PCDHGB4: variants seen among roughly 807,000 people sequenced by gnomAD.
PCDHGB4 encodes protocadherin gamma subfamily B, 4, also known as protocadherin gamma-B4.
In PCDHGB4, 38 loss-of-function variants were observed where a neutral mutation model predicts 60.5. That is an observed-to-expected ratio of 0.63 (90% CI 0.48 to 0.82). The LOEUF (loss-of-function observed/expected upper bound fraction) is 0.82. Among genes scored for constraint, PCDHGB4 ranks in the 40% least tolerant of loss-of-function variants. The pLI is 0.00. For synonymous variants in PCDHGB4, 456 were observed against 509.7 expected (o/e 0.89, Z 1.42); for missense variants, 1,109 against 1,209.6 (o/e 0.92, Z 1.23).
Position 141,418,614 on chromosome 5 carries a change from G to A in PCDHGB4, c.2397+28333G>A, listed in dbSNP as rs777074200. ...CAGGACGTGTACAGGGTTAGCCTTC[G>A]GGAAGACGTGCCTCCAGGCACCTCC... is the stretch of plus-strand genomic sequence containing the variant. On this transcript the variant is annotated intron_variant, in intron 1 of 3. Transcript: ENST00000519479. The A allele has an allele frequency of 5.0e-6, 8 of 1,613,876 alleles. No homozygotes were observed. In the East Asian group the frequency reaches 1.1e-4, roughly 22 times the overall value.
At chr5:141,448,150 C>T (rs1182411283) in intron 1 of PCDHGB4, among the ~76,000 whole-genome samples, 4 of 151,924 alleles carry the variant, frequency 2.6e-5, no homozygotes, top group Non-Finnish European at 5.9e-5. Flanking sequence ...CTCAGACTCA[C>T]CCCTGAAAGA....
rs113648128 is a variant in PCDHGB4, at chr5:141,491,811, C to T, written c.2398-2996C>T. ...CACTCCTCTCCGGCCGGCTTGGTCG[C>T]TGGCTGCGCTCCACCCGATTCTCGG... On this transcript the variant is annotated intron_variant, in intron 1 of 3. Transcript: ENST00000519479. The surrounding 1 kb of genome is among the most constrained non-coding windows in gnomAD (Gnocchi z 6.9). 6.7e-7 allele frequency: 1 copy of T among 1,487,262 alleles called. No homozygotes were observed. The highest frequency in any genetic ancestry group is 1.4e-5 in the African/African-American group (1 of 70,544). 92.1% of individuals were successfully genotyped at this position (1,487,262 alleles called of 1,614,324 possible).
rs756915110 is a variant in PCDHGB4, at chr5:141,490,431, T to C, written c.2398-4376T>C. 6 of 1,614,036 alleles carry C rather than the reference T, an allele frequency of 3.7e-6. No individual in the cohort carries two copies. In the South Asian group the frequency reaches 6.6e-5, roughly 18 times the overall value. ...TCTCTCCGGACCTGCCATTTCAGATTAAGCCTTCTGAGAACCACTACTCGC... is the reference window on the plus strand; with the variant it reads ...TCTCTCCGGACCTGCCATTTCAGATCAAGCCTTCTGAGAACCACTACTCGC... On this transcript the variant is annotated intron_variant, in intron 1 of 3. Transcript: ENST00000519479. The surrounding 1 kb of genome is among the most constrained non-coding windows in gnomAD (Gnocchi z 5.4).
intron 1 of PCDHGB4, chr5:141,440,034 A>T (rs995962283): frequency 6.5e-6 from 1 of 153,052 alleles, no homozygotes; most frequent in African/African-American, 2.4e-5. Context: ...AGTGTCGAGG[A>T]CATGCCCACT....
chr5:141,491,253 T>C lies in PCDHGB4; in HGVS notation c.2398-3554T>C, dbSNP rs71583648. The C allele has an allele frequency of 2.3e-3, 3,639 of 1,614,176 alleles. 33 individuals carry two copies. The African/African-American group carries it at 0.026, about 11-fold the overall frequency. Reference sequence around the variant, plus strand: ...TGCTGGTTCTGGAGGATGAGGACCCTGAGGAAATGCCCAAATCCAGTGACT... The same window carrying C: ...TGCTGGTTCTGGAGGATGAGGACCCCGAGGAAATGCCCAAATCCAGTGACT... On this transcript the variant is annotated intron_variant, in intron 1 of 3. Coordinates refer to ENST00000519479, the MANE Select transcript of PCDHGB4 (RefSeq NM_003736.4). This position sits in a 1 kb window ranked among gnomAD's most constrained non-coding sequence, Gnocchi z 6.9.
At chr5:141,399,519 G>T (rs1467117930) in intron 1 of PCDHGB4, 14 of 1,613,918 alleles carry the variant, frequency 8.7e-6, no homozygotes, top group Non-Finnish European at 1.2e-5. Context: ...ACCCTCCTGG[G>T]GCCTCCATCG....
At position 141,418,023 on chromosome 5, in the gene PCDHGB4, G is replaced by A. The variant is rs375588252; in HGVS notation, c.2397+27742G>A. 244 of 1,613,996 alleles carry A rather than the reference G, an allele frequency of 1.5e-4. No individual in the cohort carries two copies. The Middle Eastern group carries it at 3.5e-3, about 23-fold the overall frequency. On this transcript the variant is annotated intron_variant, in intron 1 of 3. Coordinates refer to ENST00000519479, the MANE Select transcript of PCDHGB4 (RefSeq NM_003736.4). ...GTGGGGAACCTCGCTAAGGATCTAGGGCTTAGTGTCCTGGATGTGTCGGCT... is the reference window on the plus strand; with the variant it reads ...GTGGGGAACCTCGCTAAGGATCTAGAGCTTAGTGTCCTGGATGTGTCGGCT...
At chr5:141,415,153 G>A in intron 1 of PCDHGB4, 4 of 1,613,780 alleles carry the variant, frequency 2.5e-6, no homozygotes, top group South Asian at 2.2e-5. Flanking sequence ...CCCTCTCTCC[G>A]CCACTGTCAC....
Position 141,388,378 on chromosome 5 carries a change from A to G in PCDHGB4, c.494A>G (p.Asn165Ser). Residue 165 changes from asparagine to serine, a missense_variant, in exon 1 of 4, where the codon AAC becomes AGC. Transcript: ENST00000519479. ...GCCCATGATGCGGATATTGGTAGCAACACACTGCAGAATTACCAACTCAGT... is the reference window on the plus strand; with the variant it reads ...GCCCATGATGCGGATATTGGTAGCAGCACACTGCAGAATTACCAACTCAGT... Reference protein sequence around the residue: ...GSAHDADIGSNTLQNYQLSPS... With the variant: ...GSAHDADIGSSTLQNYQLSPS... 1 of 1,614,028 alleles carries G rather than the reference A, an allele frequency of 6.2e-7. No individual in the cohort carries two copies. Among genetic ancestry groups the G allele is most frequent in the Non-Finnish European group, 8.5e-7 (1 of 1,179,900 alleles).
chr5:141,427,865 G>A, intron 1 of PCDHGB4: 1 of 1,558,148 alleles, frequency 6.4e-7, no homozygotes. Flanking sequence ...GCGCCTTCGA[G>A]CTCACGATGC....
chr5:141,432,823 C>A lies in PCDHGB4; in HGVS notation c.2397+42542C>A. 1 of 1,614,184 alleles carries A rather than the reference C, an allele frequency of 6.2e-7. No homozygotes were observed. Among genetic ancestry groups the A allele is most frequent in the Non-Finnish European group, 8.5e-7 (1 of 1,180,004 alleles). On this transcript the variant is annotated intron_variant, in intron 1 of 3. Transcript: ENST00000519479. The surrounding 1 kb of genome is among the most constrained non-coding windows in gnomAD (Gnocchi z 6.0). ...CTCCAGCTAACTCTGAAACCTCAGA[C>A]CTCACTCTGTACCTGGTGGTAGCGG...
At position 141,487,249 on chromosome 5, in the gene PCDHGB4, C is replaced by T. The variant is rs757148469; in HGVS notation, c.2398-7558C>T. ...AAGGAGAATCTCGTCTAACCCTCTACTTGGCTGTGTCCCTAGTGGCAATTT... is the reference window on the plus strand; with the variant it reads ...AAGGAGAATCTCGTCTAACCCTCTATTTGGCTGTGTCCCTAGTGGCAATTT... On this transcript the variant is annotated intron_variant, in intron 1 of 3. Coordinates refer to ENST00000519479, the MANE Select transcript of PCDHGB4 (RefSeq NM_003736.4). The surrounding 1 kb of genome is among the most constrained non-coding windows in gnomAD (Gnocchi z 5.0). 2.5e-6 allele frequency: 4 copies of T among 1,614,164 alleles called. No homozygotes were observed. In the South Asian group the frequency reaches 4.4e-5, roughly 18 times the overall value.
In PCDHGB4 at chr5:141,472,994, A is replaced by G. The variant is rs188075835; in HGVS notation, c.2398-21813A>G. Among the ~76,000 whole-genome samples, 1,141 of 151,802 alleles carry G rather than the reference A, an allele frequency of 7.5e-3. 5 individuals carry two copies. The highest frequency in any genetic ancestry group is 0.017 in the Middle Eastern group (5 of 294). ...AGAGTGAAACTCAAAAAAAAAAAAA[A>G]AAAGAAAGAAAAAGAAAAAGAAAGA... On this transcript the variant is annotated intron_variant, in intron 1 of 3. Transcript: ENST00000519479.
In PCDHGB4 at chr5:141,511,186, G is replaced by T; in HGVS notation, c.*13G>T. On this transcript the variant is annotated 3_prime_UTR_variant, in exon 4 of 4. Transcript: ENST00000519479. ...GGAGAAGAAGTAACATGGAGGCCAG[G>T]CCAAGAGCCACAGGGCGGCCTCTCC... 6.2e-7 allele frequency: 1 copy of T among 1,613,906 alleles called. No individual in the cohort carries two copies. The highest frequency in any genetic ancestry group is 2.2e-5 in the East Asian group (1 of 44,876).
At chr5:141,483,918 T>G (rs2099588800) in intron 1 of PCDHGB4, among the ~76,000 whole-genome samples, 1 of 150,512 alleles carries the variant, frequency 6.6e-6, no homozygotes, top group Non-Finnish European at 1.5e-5. Flanking sequence ...CCACTCAGAT[T>G]GCAGGTCGTA....
intron 1 of PCDHGB4, among the ~76,000 whole-genome samples, chr5:141,444,359 C>T (rs942218966): frequency 7.9e-5 from 12 of 151,582 alleles, no homozygotes; most frequent in East Asian, 7.7e-4. Context: ...TTAGTAGAGA[C>T]GGGGTTTCTC....
intron 1 of PCDHGB4, among the ~76,000 whole-genome samples, chr5:141,451,106 G>A (rs1204327490): frequency 1.3e-5 from 2 of 152,164 alleles, no homozygotes; most frequent in African/African-American, 4.8e-5. Context: ...GGGATTACAG[G>A]CGTGAGCCAC....
intron 1 of PCDHGB4, chr5:141,422,778 C>T (rs1041081332): frequency 1.9e-6 from 3 of 1,613,932 alleles, no homozygotes; most frequent in Admixed American, 1.7e-5. Flanking sequence ...TTCTCTATGC[C>T]CTACAATCCT....
intron 1 of PCDHGB4, among the ~76,000 whole-genome samples, chr5:141,425,114 T>A (rs537694464): frequency 5.9e-5 from 9 of 152,326 alleles, no homozygotes; most frequent in African/African-American, 2.2e-4. Context: ...TGCCTACATT[T>A]TTCTTGAAGT....
Sources: allele counts gnomAD v4.1 joint callset (sites outside exome capture counted in the v4.1 genomes callset), GRCh38; gene constraint gnomAD v4.1.1; non-coding constraint Gnocchi (gnomAD v3.1); transcripts MANE v1.5; gene names NCBI Gene and HGNC (gene_info 2026-07-23, HGNC 2026-07-21).